Variants in NEGR1 observed in about 807,000 individuals in gnomAD.
NEGR1 encodes neuronal growth regulator 1.
A neutral mutation model predicts 40.9 loss-of-function variants in NEGR1; 10 were observed. The ratio of observed to expected loss-of-function variants is 0.24; its 90% CI spans 0.15 to 0.42. The LOEUF is 0.42. NEGR1 is among the 10% of genes least tolerant of loss of function. The pLI, the probability that NEGR1 is intolerant of heterozygous loss-of-function variation, is 1.00. For missense variants in NEGR1, 352 were observed against 438.9 expected (o/e 0.80, Z 1.77); for synonymous variants, 185 against 166.8 (o/e 1.11, Z -0.84).
chr1:71,709,941 T>C (rs1423174510), intron 3 of NEGR1, among the ~76,000 whole-genome samples: 4 of 152,102 alleles, frequency 2.6e-5, no homozygotes, highest in Non-Finnish European at 5.9e-5. Context: ...AGTCTATGAG[T>C]TGAAGAGACA....
chr1:72,048,321 C>A (rs931441608), intron 1 of NEGR1, among the ~76,000 whole-genome samples: 1 of 151,610 alleles, frequency 6.6e-6, no homozygotes, highest in Admixed American at 6.6e-5. Flanking sequence ...AATCACAACT[C>A]CTTTTTAATT....
chr1:71,555,261 A>ATT (rs1553149915), intron 6 of NEGR1, among the ~76,000 whole-genome samples: 1 of 151,540 alleles, frequency 6.6e-6, no homozygotes, highest in East Asian at 2.0e-4. Context: ...TTTCATACCA[A>ATT]CTGATGAATT....
intron 6 of NEGR1, among the ~76,000 whole-genome samples, chr1:71,496,460 C>T (rs1402643934): frequency 2.0e-5 from 3 of 152,038 alleles, no homozygotes; most frequent in Non-Finnish European, 2.9e-5. Context: ...GGAAGGTATT[C>T]GTTGGCCAGA....
At chr1:71,821,507 AC>A (rs1658427871) in intron 2 of NEGR1, among the ~76,000 whole-genome samples, 4 of 152,026 alleles carry the variant, frequency 2.6e-5, no homozygotes, top group African/African-American at 9.7e-5. Context: ...GTACTAGTTG[AC>A]ACACACAAAA....
At chr1:71,443,299 C>A (rs1443288026) in intron 6 of NEGR1, among the ~76,000 whole-genome samples, 1 of 152,178 alleles carries the variant, frequency 6.6e-6, no homozygotes, top group African/African-American at 2.4e-5. Flanking sequence ...CCTTTGTTGA[C>A]CTCGCTAGAT....
intron 5 of NEGR1, among the ~76,000 whole-genome samples, chr1:71,595,673 T>C (rs1400753548): frequency 6.6e-6 from 1 of 152,184 alleles, no homozygotes; most frequent in East Asian, 1.9e-4. Flanking sequence ...ATCTCTGCTC[T>C]TGAGAAGGTC....
chr1:71,846,314 A>C (rs1439636948), intron 2 of NEGR1, among the ~76,000 whole-genome samples: 3 of 152,000 alleles, frequency 2.0e-5, no homozygotes, highest in Admixed American at 2.0e-4. Flanking sequence ...CTAACTCAAC[A>C]AGAGGTCTTA....
chr1:71,671,881 TTCTC>T (rs1207885644), intron 4 of NEGR1, among the ~76,000 whole-genome samples: 10 of 142,876 alleles, frequency 7.0e-5, no homozygotes, highest in African/African-American at 2.6e-4. Context: ...TTTATTTCTG[TTCTC>T]TCTCTCTCTT....
chr1:71,510,275 C>A (rs1045292608), intron 6 of NEGR1, among the ~76,000 whole-genome samples: 4 of 152,064 alleles, frequency 2.6e-5, no homozygotes, highest in African/African-American at 7.2e-5. Context: ...AGCAAAATAA[C>A]CTGATACTAT....
At chr1:71,721,370 C>T (rs72678921) in intron 3 of NEGR1, among the ~76,000 whole-genome samples, 8,907 of 152,030 alleles carry the variant, frequency 0.059, 370 homozygotes, top group Non-Finnish European at 0.081. Flanking sequence ...TTCAGTCAAT[C>T]AGTAAATATA....
At chr1:71,666,985 C>G (rs912507846) in intron 4 of NEGR1, among the ~76,000 whole-genome samples, 6 of 152,038 alleles carry the variant, frequency 3.9e-5, no homozygotes, top group African/African-American at 1.4e-4. Context: ...AATATTTTGT[C>G]TGGTATTAAC....
intron 2 of NEGR1, among the ~76,000 whole-genome samples, chr1:71,825,285 G>A (rs955900392): frequency 1.3e-5 from 2 of 151,922 alleles, no homozygotes; most frequent in African/African-American, 2.4e-5. Context: ...GAAATTAGAT[G>A]TGGTTTAAAT....
chr1:72,039,948 C>T (rs1026199567), intron 1 of NEGR1, among the ~76,000 whole-genome samples: 1 of 151,790 alleles, frequency 6.6e-6, no homozygotes, highest in Non-Finnish European at 1.5e-5. Context: ...AACGTATTTT[C>T]TATATATTCT....
intron 1 of NEGR1, among the ~76,000 whole-genome samples, chr1:71,946,406 G>A (rs900539037): frequency 6.6e-6 from 1 of 151,894 alleles, no homozygotes; most frequent in Non-Finnish European, 1.5e-5. Flanking sequence ...ATAATCCAAG[G>A]TCTTTGCCAA....
chr1:71,992,270 TTAAAAA>T (rs1355743690), intron 1 of NEGR1, among the ~76,000 whole-genome samples: 3 of 152,104 alleles, frequency 2.0e-5, no homozygotes, highest in African/African-American at 7.2e-5. Context: ...TCAGGGATAA[TTAAAAA>T]TAAGTATAAA....
At position 71,396,275 on chromosome 1, in the gene NEGR1, T is replaced by C. The variant is rs1343001984; in HGVS notation, c.*11171A>G. The stretch of plus-strand genomic sequence containing the variant: ...GCCTTTTTCTTCAGTTTGATCATAG[T>C]GTCCTAAACATCCAGATTAACTCTA... On this transcript the variant is annotated 3_prime_UTR_variant, in exon 7 of 7. Transcript: ENST00000357731. 1 of 152,180 alleles carries C rather than the reference T, an allele frequency of 6.6e-6. No homozygotes were observed. Among genetic ancestry groups the C allele is most frequent in the Non-Finnish European group, 1.5e-5 (1 of 68,028 alleles). The allele number at this position is 152,180 out of a possible 1,614,324, so 9.4% of individuals were successfully genotyped here. A position where few individuals can be genotyped will look rare whatever the true frequency, so the allele number is the denominator to read the frequency against.
chr1:71,787,371 C>A (rs947758612), intron 2 of NEGR1, among the ~76,000 whole-genome samples: 3 of 151,958 alleles, frequency 2.0e-5, no homozygotes, highest in Non-Finnish European at 4.4e-5. Context: ...ATGTTGAAAA[C>A]AAAAATATCT....
At chr1:72,121,409 C>T (rs1649801557) in intron 1 of NEGR1, among the ~76,000 whole-genome samples, 1 of 151,882 alleles carries the variant, frequency 6.6e-6, no homozygotes, top group African/African-American at 2.4e-5. Flanking sequence ...TGTATCATAC[C>T]TAAGCATAGG....
chr1:71,860,594 A>G (rs1659916658), intron 2 of NEGR1, among the ~76,000 whole-genome samples: 2 of 152,106 alleles, frequency 1.3e-5, no homozygotes, highest in Non-Finnish European at 2.9e-5. Flanking sequence ...ATACAATGAT[A>G]GATAGTAAGA....
Sources: gnomAD v4.1 joint callset for allele counts (sites outside exome capture counted in the v4.1 genomes callset) on GRCh38, gnomAD v4.1.1 for gene constraint, MANE v1.5 for transcripts, NCBI Gene and HGNC (gene_info 2026-07-23, HGNC 2026-07-21) for gene names.